Variants in ACTN1 observed in about 807,000 individuals in gnomAD.
The protein encoded by ACTN1 is actinin alpha 1, also known as alpha-actinin-1.
In ACTN1, 30 loss-of-function variants were observed where a neutral mutation model predicts 119.6. That is an observed-to-expected ratio of 0.25 (90% CI 0.19 to 0.34). The LOEUF is 0.34. Ranked by LOEUF, ACTN1 falls within the 10% of genes least tolerant of loss-of-function variation. The pLI, the probability that ACTN1 is intolerant of heterozygous loss-of-function variation, is 1.00. For synonymous variants in ACTN1, 429 were observed against 472.6 expected, an observed-to-expected ratio of 0.91 and a Z score of 1.20; for missense variants, 764 against 1,223.4, an observed-to-expected ratio of 0.62 and a Z score of 5.60.
intron 1 of ACTN1, among the ~76,000 whole-genome samples, chr14:68,941,260 A>T (rs2035754644): frequency 1.3e-5 from 2 of 152,210 alleles, no homozygotes; most frequent in Admixed American, 1.3e-4. Context: ...GTGGTTCTCA[A>T]ACTTGAATAT....
At chr14:68,915,642 G>T (rs2034250048) in intron 3 of ACTN1, among the ~76,000 whole-genome samples, 1 of 152,220 alleles carries the variant, frequency 6.6e-6, no homozygotes, top group Admixed American at 6.5e-5. Flanking sequence ...GCTAACACAG[G>T]CCTGCCATTG....
At chr14:68,936,467 T>C in intron 1 of ACTN1, 1 of 319,118 alleles carries the variant, frequency 3.1e-6, no homozygotes. Context: ...TATGCTTTTG[T>C]TTGAGTTTTG....
At chr14:68,939,638 T>C (rs1386893365) in intron 1 of ACTN1, among the ~76,000 whole-genome samples, 2 of 150,968 alleles carry the variant, frequency 1.3e-5, no homozygotes, top group South Asian at 2.1e-4. Context: ...AACGGAGGAG[T>C]TGGGGGAGGT....
chr14:68,953,691 A>G (rs2140556004), intron 1 of ACTN1, among the ~76,000 whole-genome samples: 1 of 151,940 alleles, frequency 6.6e-6, no homozygotes, highest in East Asian at 1.9e-4. Context: ...AGCCTGGCCA[A>G]TATGGTGAAA....
At chr14:68,892,318 G>C (rs2032558708) in intron 9 of ACTN1, 35 bp from the exon 10 acceptor site, 1 of 1,583,060 alleles carries the variant, frequency 6.3e-7, no homozygotes, top group Non-Finnish European at 8.6e-7. Context: ...AGGAGGTGAG[G>C]AGGCGGGGAG....
rs778575554 is a variant in ACTN1 at position 68,912,189 on chromosome 14, G to A, written c.394C>T (p.Leu132=). Residue 132 remains leucine (L), a synonymous_variant, in exon 4 of 22, where the codon CTG becomes TTG. Transcript: ENST00000394419. Reference sequence around the variant, plus strand: ...GAGATGTCCTGGATGGCAAAGCGCAGGATGATGGTCCAGATCATGCCCAGG... The same window carrying A: ...GAGATGTCCTGGATGGCAAAGCGCAAGATGATGGTCCAGATCATGCCCAGG... ...MTLGMIWTII[L]RFAIQDISVE... 5 of 1,614,110 alleles carry A rather than the reference G, an allele frequency of 3.1e-6. 1 individual carries two copies. The highest frequency in any genetic ancestry group is 4.2e-6 in the Non-Finnish European group (5 of 1,180,018).
At chr14:68,881,305 A>G (rs2031485247) in intron 16 of ACTN1, among the ~76,000 whole-genome samples, 1 of 152,108 alleles carries the variant, frequency 6.6e-6, no homozygotes, top group Non-Finnish European at 1.5e-5. Context: ...TCTGCTTGCC[A>G]TTCAAATGCC....
In ACTN1 at chr14:68,874,987, C is replaced by A; in HGVS notation, c.2617G>T (p.Glu873Ter). The A allele has an allele frequency of 6.2e-7, 1 of 1,613,638 alleles. No individual in the cohort carries two copies. The highest frequency in any genetic ancestry group is 8.5e-7 in the Non-Finnish European group (1 of 1,180,004). The change falls in exon 22 of 22, where the codon GAG (glutamate) becomes TAG (stop). Residue 873 changes from glutamate to a stop codon, truncating the protein, a stop_gained. Coordinates refer to ENST00000394419, the MANE Select transcript of ACTN1 (RefSeq NM_001130004.2). LOFTEE classifies it high-confidence loss of function. ...NYITMDELRR[E>*]LPPDQAEYCI... ...TACTCAGCCTGGTCGGGTGGCAGCTCGCGGCGCAGCTCGTCCATGGTAATG... is the reference window on the plus strand; with the variant it reads ...TACTCAGCCTGGTCGGGTGGCAGCTAGCGGCGCAGCTCGTCCATGGTAATG...
At chr14:68,972,903 C>T (rs920286704) in intron 1 of ACTN1, among the ~76,000 whole-genome samples, 1 of 151,994 alleles carries the variant, frequency 6.6e-6, no homozygotes, top group Non-Finnish European at 1.5e-5. Context: ...CTGATAATTA[C>T]CATGTGCTCA....
rs1233889942 is a variant in ACTN1, at chr14:68,882,889, T to C, written c.1802A>G (p.Asn601Ser). 2 of 1,614,104 alleles carry C rather than the reference T, an allele frequency of 1.2e-6. No homozygotes were observed. Among genetic ancestry groups the C allele is most frequent in the Admixed American group, 1.7e-5 (1 of 60,010 alleles). The change falls in exon 15 of 22, where the codon AAT (asparagine) becomes AGT (serine). Residue 601 changes from asparagine to serine, a missense_variant. Transcript: ENST00000394419. This position sits in a 1 kb window ranked among gnomAD's most constrained non-coding sequence, Gnocchi z 4.5. ...PYTTITPQEI[N>S]GKWDHVRQLV... ...TCAACTCACGTGGTCCCATTTGCCA[T>C]TGATCTCCTGAGGCGTGATGGTTGT...
At chr14:68,934,676 T>C (rs1693487688) in intron 1 of ACTN1, among the ~76,000 whole-genome samples, 1 of 152,190 alleles carries the variant, frequency 6.6e-6, no homozygotes, top group Non-Finnish European at 1.5e-5. Context: ...CAGTATTCCT[T>C]GAGAGAGAAA....
At chr14:68,918,774 T>A (rs1364050679) in intron 3 of ACTN1, among the ~76,000 whole-genome samples, 1 of 150,832 alleles carries the variant, frequency 6.6e-6, no homozygotes, top group African/African-American at 2.4e-5. Context: ...GGGCTCTGAC[T>A]GGGGAGGCAG....
intron 1 of ACTN1, among the ~76,000 whole-genome samples, chr14:68,936,115 G>C (rs2035492973): frequency 1.3e-5 from 2 of 152,160 alleles, no homozygotes; most frequent in South Asian, 4.1e-4. Flanking sequence ...TTTCCCATCA[G>C]AACACGCCTA....
intron 13 of ACTN1, among the ~76,000 whole-genome samples, 174 bp downstream of exon 13, chr14:68,884,599 TGA>T (rs2031841130): frequency 6.6e-6 from 1 of 152,232 alleles, no homozygotes; most frequent in East Asian, 1.9e-4. Context: ...GGCATCGCCA[TGA>T]GGGCAAAGTC....
At chr14:68,898,554 C>T (rs1252026262) in intron 8 of ACTN1, among the ~76,000 whole-genome samples, 1 of 152,104 alleles carries the variant, frequency 6.6e-6, no homozygotes, top group East Asian at 1.9e-4. Context: ...TCATCGGTGC[C>T]AGCCCGGAGA....
In ACTN1 at chr14:68,878,499, C is replaced by A; in HGVS notation, c.2386G>T (p.Asp796Tyr). ...GAGATCAGGCAGGCGCGGAAATCAT[C>A]CGTGTCCATCATGCCTGTCTTCTTC... ...PQKKTGMMDT[D>Y]DFRACLISMG... is the part of the protein sequence containing the mutation. Residue 796 changes from aspartate to tyrosine, a missense_variant, in exon 20 of 22, where the codon GAT (aspartate) becomes TAT (tyrosine). Asp to Tyr is a radical substitution (Grantham distance 160). This residue lies in a region of ACTN1 where 544 missense variants were observed against 912.0 expected (regional missense o/e 0.60). Coordinates refer to ENST00000394419, the MANE Select transcript of ACTN1 (RefSeq NM_001130004.2). This position sits in a 1 kb window ranked among gnomAD's most constrained non-coding sequence, Gnocchi z 4.4. 6 of 1,589,962 alleles carry A rather than the reference C, an allele frequency of 3.8e-6. No homozygotes were observed. Among genetic ancestry groups the A allele is most frequent in the Non-Finnish European group, 5.1e-6 (6 of 1,166,564 alleles).
chr14:68,896,050 C>G (rs901316416), intron 8 of ACTN1, among the ~76,000 whole-genome samples: 1 of 152,186 alleles, frequency 6.6e-6, no homozygotes, highest in Non-Finnish European at 1.5e-5. Context: ...ACCAGTGAAC[C>G]AGCCTTCAGA....
intron 11 of ACTN1, among the ~76,000 whole-genome samples, chr14:68,889,006 G>T (rs1594766459): frequency 6.6e-6 from 1 of 152,242 alleles, no homozygotes; most frequent in South Asian, 2.1e-4. Flanking sequence ...AAGATCTGAG[G>T]AGTACAAAAC....
chr14:68,949,314 G>A (rs139719376), intron 1 of ACTN1, among the ~76,000 whole-genome samples: 2 of 152,184 alleles, frequency 1.3e-5, no homozygotes, highest in African/African-American at 2.4e-5. Context: ...AAAACACGAG[G>A]AGGTCAGGAG....
Sources: gnomAD v4.1 joint callset for allele counts (sites outside exome capture counted in the v4.1 genomes callset) on GRCh38, gnomAD v4.1.1 for gene constraint, gnomAD v4.1.1 regional missense constraint, Gnocchi (gnomAD v3.1) non-coding constraint, MANE v1.5 for transcripts, NCBI Gene and HGNC (gene_info 2026-07-23, HGNC 2026-07-21) for gene names.